THSD7A: variants seen among roughly 807,000 people sequenced by gnomAD.
THSD7A encodes the protein thrombospondin type 1 domain containing 7A.
A neutral mutation model predicts 231.3 loss-of-function variants in THSD7A; 96 were observed. The observed-to-expected ratio is 0.41, with a 90% confidence interval of 0.35 to 0.49. THSD7A has a LOEUF of 0.49. THSD7A is among the 20% of genes least tolerant of loss of function. The probability of loss-of-function intolerance (pLI) is 0.05; values close to 1 mark genes in which losing one functional copy is unlikely to be tolerated. For missense variants in THSD7A, 2,290 were observed against 2,070.2 expected (o/e 1.11, Z -2.06); for synonymous variants, 940 against 743.3 (o/e 1.26, Z -4.30).
chr7:11,376,690 A>G, intron 26 of THSD7A, 33 bp from the exon 27 acceptor site: 1 of 1,499,678 alleles, frequency 6.7e-7, no homozygotes, highest in Non-Finnish European at 9.1e-7. Flanking sequence ...ATTAATTTAC[A>G]TTAGTCTGGT....
At chr7:11,572,655 C>T (rs1011031139) in intron 4 of THSD7A, among the ~76,000 whole-genome samples, 2 of 151,996 alleles carry the variant, frequency 1.3e-5, no homozygotes, top group Non-Finnish European at 1.5e-5. Flanking sequence ...CTACAGGCAC[C>T]AGCCACCATG....
chr7:11,421,917 C>T (rs985469611), intron 16 of THSD7A, among the ~76,000 whole-genome samples: 2 of 152,126 alleles, frequency 1.3e-5, no homozygotes, highest in Non-Finnish European at 2.9e-5. Context: ...TTTATAATCA[C>T]CCTAGAATAC....
intron 6 of THSD7A, among the ~76,000 whole-genome samples, chr7:11,483,606 G>A (rs990714223): frequency 1.3e-5 from 2 of 151,968 alleles, no homozygotes; most frequent in Admixed American, 1.3e-4. Flanking sequence ...TATTGTATAA[G>A]GCATTTAATA....
chr7:11,680,519 C>A (rs1336785542), intron 1 of THSD7A, among the ~76,000 whole-genome samples: 1 of 152,084 alleles, frequency 6.6e-6, no homozygotes, highest in Non-Finnish European at 1.5e-5. Context: ...AAACAAACAA[C>A]CCCATCAAAA....
At chr7:11,810,271 G>C (rs530550143) in intron 1 of THSD7A, among the ~76,000 whole-genome samples, 1 of 152,080 alleles carries the variant, frequency 6.6e-6, no homozygotes, top group Non-Finnish European at 1.5e-5. Context: ...CTGTGCCTTC[G>C]CCATGTGATG....
intron 11 of THSD7A, among the ~76,000 whole-genome samples, chr7:11,450,864 C>G (rs1316782083): frequency 6.6e-6 from 1 of 151,970 alleles, no homozygotes; most frequent in South Asian, 2.1e-4. Context: ...ACAGATAATT[C>G]ACCATGAAAG....
intron 13 of THSD7A, among the ~76,000 whole-genome samples, chr7:11,434,609 G>A (rs1323592865): frequency 6.6e-6 from 1 of 151,996 alleles, no homozygotes; most frequent in Non-Finnish European, 1.5e-5. Context: ...GAGTAACTCT[G>A]GCATTCTCTC....
At chr7:11,747,891 A>T (rs562314212) in intron 1 of THSD7A, among the ~76,000 whole-genome samples, 1 of 152,070 alleles carries the variant, frequency 6.6e-6, no homozygotes, top group South Asian at 2.1e-4. Context: ...AGGCACAATG[A>T]TATTAACATA....
chr7:11,697,122 C>T (rs1259467969), intron 1 of THSD7A, among the ~76,000 whole-genome samples: 1 of 151,356 alleles, frequency 6.6e-6, no homozygotes, highest in African/African-American at 2.4e-5. Flanking sequence ...AACATATGAG[C>T]TCCAAGTAAA....
At chr7:11,559,064 G>A (rs4263647) in intron 4 of THSD7A, among the ~76,000 whole-genome samples, 90,425 of 151,966 alleles carry the variant, frequency 0.6, 27,353 homozygotes, top group African/African-American at 0.7. Context: ...GGAGCCAAGG[G>A]ATGTGGGTGA....
intron 4 of THSD7A, among the ~76,000 whole-genome samples, chr7:11,561,288 G>A (rs1476890189): frequency 6.6e-6 from 1 of 152,092 alleles, no homozygotes; most frequent in Non-Finnish European, 1.5e-5. Flanking sequence ...TTAATATAAT[G>A]TCATGTAGTA....
At chr7:11,658,053 G>A (rs913782120) in intron 1 of THSD7A, among the ~76,000 whole-genome samples, 9 of 151,684 alleles carry the variant, frequency 5.9e-5, no homozygotes, top group African/African-American at 2.2e-4. Context: ...TTCAACAAGG[G>A]ACCAGCAGTC....
chr7:11,404,874 G>A (rs7796389), intron 22 of THSD7A, among the ~76,000 whole-genome samples: 1 of 151,874 alleles, frequency 6.6e-6, no homozygotes, highest in African/African-American at 2.4e-5. Flanking sequence ...CTATGTCTTA[G>A]AACGGATCTC....
chr7:11,610,266 A>T (rs1299979831), intron 2 of THSD7A, among the ~76,000 whole-genome samples: 1 of 152,082 alleles, frequency 6.6e-6, no homozygotes, highest in African/African-American at 2.4e-5. Flanking sequence ...AATGCTATTT[A>T]GTCCCCTATC....
At chr7:11,598,819 G>C (rs115320260) in intron 2 of THSD7A, among the ~76,000 whole-genome samples, 2,028 of 152,132 alleles carry the variant, frequency 0.013, 47 homozygotes, top group African/African-American at 0.046. Flanking sequence ...GCAACATTAC[G>C]TTCTGTTGAC....
intron 23 of THSD7A, 70 bp from the exon 24 acceptor site, chr7:11,382,686 T>A (rs547481976): frequency 3.0e-5 from 34 of 1,137,138 alleles, no homozygotes; most frequent in Non-Finnish European, 4.2e-5. Flanking sequence ...GGATAGAGTA[T>A]TAATAACATA....
intron 8 of THSD7A, among the ~76,000 whole-genome samples, chr7:11,471,304 G>C (rs565030858): frequency 6.6e-5 from 10 of 151,982 alleles, no homozygotes; most frequent in African/African-American, 2.2e-4. Flanking sequence ...TGGGAAATAG[G>C]ATTTTAAAAT....
At chr7:11,546,320 GC>G (rs1466775602) in intron 4 of THSD7A, among the ~76,000 whole-genome samples, 1 of 151,962 alleles carries the variant, frequency 6.6e-6, no homozygotes, top group African/African-American at 2.4e-5. Context: ...TAGTGCTTTT[GC>G]CAGCACCCTC....
chr7:11,429,744 G>A (rs969124618), intron 13 of THSD7A, among the ~76,000 whole-genome samples: 1 of 152,168 alleles, frequency 6.6e-6, no homozygotes, highest in African/African-American at 2.4e-5. Flanking sequence ...TGTATGAATT[G>A]TGCAAGTATT....
Sources: gnomAD v4.1 joint callset for allele counts (sites outside exome capture counted in the v4.1 genomes callset) on GRCh38, gnomAD v4.1.1 for gene constraint, MANE v1.5 for transcripts, NCBI Gene and HGNC (gene_info 2026-07-23, HGNC 2026-07-21) for gene names.